The following SEMA3E variants were observed in gnomAD, a reference collection of about 807,000 sequenced individuals.
The protein encoded by SEMA3E is semaphorin 3E.
A neutral mutation model predicts 93.6 loss-of-function variants in SEMA3E; 49 were observed. The observed-to-expected ratio is 0.52, with a 90% CI of 0.42 to 0.66. The LOEUF (loss-of-function observed/expected upper bound fraction) is 0.66, where lower values mean the gene tolerates loss of function less well. SEMA3E is among the 30% of genes least tolerant of loss of function. The pLI is 0.00. For synonymous variants in SEMA3E, 363 were observed against 330.7 expected, an observed-to-expected ratio of 1.10 and a Z score of -1.06; for missense variants, 906 against 964.8, an observed-to-expected ratio of 0.94 and a Z score of 0.81.
At chr7:83,483,125 A>G (rs1790183085) in intron 2 of SEMA3E, among the ~76,000 whole-genome samples, 1 of 152,190 alleles carries the variant, frequency 6.6e-6, no homozygotes. Context: ...TCAGAAAAAA[A>G]AAAAAGTCAT....
At chr7:83,415,684 C>G (rs1449200823) in intron 5 of SEMA3E, among the ~76,000 whole-genome samples, 3 of 151,948 alleles carry the variant, frequency 2.0e-5, no homozygotes, top group East Asian at 1.9e-4. Context: ...AAAATTGTAT[C>G]TAAAATTAGG....
intron 10 of SEMA3E, among the ~76,000 whole-genome samples, chr7:83,401,493 G>A (rs1192072268): frequency 6.6e-6 from 1 of 152,006 alleles, no homozygotes; most frequent in Non-Finnish European, 1.5e-5. Context: ...ATAACCAGTC[G>A]CTTCCTCCAA....
chr7:83,415,584 T>A (rs1385594670), intron 5 of SEMA3E, among the ~76,000 whole-genome samples: 1 of 152,180 alleles, frequency 6.6e-6, no homozygotes, highest in Non-Finnish European at 1.5e-5. Context: ...TTGTCTTTCA[T>A]CTATCAAATA....
chr7:83,606,432 A>G (rs926160591), intron 1 of SEMA3E, among the ~76,000 whole-genome samples: 6 of 151,594 alleles, frequency 4.0e-5, no homozygotes, highest in African/African-American at 1.5e-4. Flanking sequence ...CTATGCAGCC[A>G]TAAAAAATGA....
chr7:83,442,017 G>A (rs1436479543), intron 4 of SEMA3E, among the ~76,000 whole-genome samples: 1 of 152,124 alleles, frequency 6.6e-6, no homozygotes, highest in Non-Finnish European at 1.5e-5. Context: ...GAAGCAACAT[G>A]ATTACTTTCA....
At chr7:83,481,706 T>C (rs903714855) in intron 2 of SEMA3E, among the ~76,000 whole-genome samples, 1 of 152,116 alleles carries the variant, frequency 6.6e-6, no homozygotes, top group African/African-American at 2.4e-5. Flanking sequence ...AAGAGTATGA[T>C]CACATGGTCT....
chr7:83,525,320 T>C (rs1156229263), intron 1 of SEMA3E, among the ~76,000 whole-genome samples: 1 of 152,086 alleles, frequency 6.6e-6, no homozygotes, highest in South Asian at 2.1e-4. Context: ...ATTTCTCCAG[T>C]GTTCTAAAAT....
intron 16 of SEMA3E, among the ~76,000 whole-genome samples, chr7:83,374,755 C>T (rs1794798310): frequency 6.6e-6 from 1 of 152,056 alleles, no homozygotes; most frequent in African/African-American, 2.4e-5. Flanking sequence ...AATTTGCAAA[C>T]ATACTATTGG....
At chr7:83,502,163 T>G (rs1790608967) in intron 1 of SEMA3E, among the ~76,000 whole-genome samples, 1 of 152,180 alleles carries the variant, frequency 6.6e-6, no homozygotes, top group Non-Finnish European at 1.5e-5. Flanking sequence ...CCACACTATC[T>G]ATCCTTAGCA....
chr7:83,630,093 G>A (rs148101502), intron 1 of SEMA3E, among the ~76,000 whole-genome samples: 1,770 of 152,166 alleles, frequency 0.012, 38 homozygotes, highest in African/African-American at 0.039. Context: ...ACCCTGCTTC[G>A]GCTCACCCTC....
At position 83,408,555 on chromosome 7, in the gene SEMA3E, A is replaced by C. The variant is rs1010102693; in HGVS notation, c.551-68T>G. 8 of 1,468,266 alleles carry C rather than the reference A, an allele frequency of 5.4e-6. No individual in the cohort carries two copies. The East Asian group carries it at 7.1e-5, about 13-fold the overall frequency. The allele number at this position is 1,468,266 out of a possible 1,614,324, so 91.0% of individuals were successfully genotyped here. The stretch of plus-strand genomic sequence containing the variant: ...TATGTTAACAAATTAAACACATCCA[A>C]ATTTAATATGTGTATCTATAATATG... On this transcript the variant is annotated intron_variant, in intron 5 of 16. Coordinates refer to ENST00000643230, the MANE Select transcript of SEMA3E (RefSeq NM_012431.3).
intron 13 of SEMA3E, among the ~76,000 whole-genome samples, chr7:83,393,627 A>G (rs905797084): frequency 1.3e-5 from 2 of 152,194 alleles, no homozygotes; most frequent in African/African-American, 2.4e-5. Flanking sequence ...AGTGATGTGT[A>G]TATCTATCTA....
Position 83,562,633 on chromosome 7 carries a change from A to G in SEMA3E, c.116-72359T>C, listed in dbSNP as rs556471618. Among the ~76,000 whole-genome samples, 85 of 152,136 alleles carry G rather than the reference A, an allele frequency of 5.6e-4. 1 individual carries two copies. Among genetic ancestry groups the G allele is most frequent in the African/African-American group, 2.0e-3 (83 of 41,506 alleles). ...AAGCAGGATATCTTTATCCCAGAGAAACTTTCTTAGACAGCCTGTTCCTCT... is the reference window on the plus strand; with the variant it reads ...AAGCAGGATATCTTTATCCCAGAGAGACTTTCTTAGACAGCCTGTTCCTCT... On this transcript the variant is annotated intron_variant, in intron 1 of 16. Coordinates refer to ENST00000643230, the MANE Select transcript of SEMA3E (RefSeq NM_012431.3).
chr7:83,563,570 T>C (rs1273153778), intron 1 of SEMA3E, among the ~76,000 whole-genome samples: 1 of 152,164 alleles, frequency 6.6e-6, no homozygotes, highest in Non-Finnish European at 1.5e-5. Context: ...TCAGAAACTT[T>C]GGAGTGGGGC....
At position 83,516,121 on chromosome 7, in the gene SEMA3E, C is replaced by T. The variant is rs920971907; in HGVS notation, c.116-25847G>A. On this transcript the variant is annotated intron_variant, in intron 1 of 16. Transcript: ENST00000643230. The stretch of plus-strand genomic sequence containing the variant: ...TGATCCTCTCAGATCATTAAATTGA[C>T]ATTTTTGTATAGCATCATAAATCAA... 2.0e-5 allele frequency among the ~76,000 whole-genome samples: 3 copies of T among 152,264 alleles called. No homozygotes were observed. The East Asian group carries it at 5.8e-4, about 29-fold the overall frequency.
At chr7:83,527,953 T>C (rs571321672) in intron 1 of SEMA3E, among the ~76,000 whole-genome samples, 3 of 152,076 alleles carry the variant, frequency 2.0e-5, no homozygotes, top group Non-Finnish European at 4.4e-5. Context: ...ATAAGTTAGT[T>C]ATAATAAGAC....
At position 83,368,049 on chromosome 7, in the gene SEMA3E, A is replaced by G. The variant is rs542379432; in HGVS notation, c.1876-11T>C. The G allele has an allele frequency of 1.9e-6, 3 of 1,612,084 alleles. No individual in the cohort carries two copies. The highest frequency in any genetic ancestry group is 2.2e-5 in the East Asian group (1 of 44,862). On this transcript the variant is annotated splice_polypyrimidine_tract_variant and intron_variant, in intron 16 of 16. Coordinates refer to ENST00000643230, the MANE Select transcript of SEMA3E (RefSeq NM_012431.3). ...GTCATCTGTCTTCACCTGCAAAAAC[A>G]AAAAAGTAAATGGCACTGAAGTACA...
intron 1 of SEMA3E, among the ~76,000 whole-genome samples, chr7:83,496,289 G>T (rs1790490167): frequency 6.6e-6 from 1 of 151,906 alleles, no homozygotes; most frequent in African/African-American, 2.4e-5. Context: ...TAAAAGTCTA[G>T]TCTATTAAGG....
intron 1 of SEMA3E, among the ~76,000 whole-genome samples, chr7:83,497,279 A>G (rs1359452727): frequency 6.6e-6 from 1 of 152,170 alleles, no homozygotes; most frequent in Non-Finnish European, 1.5e-5. Context: ...GAAGGAGAGG[A>G]GAACACACAT....
Sources: allele counts gnomAD v4.1 joint callset (sites outside exome capture counted in the v4.1 genomes callset), GRCh38; gene constraint gnomAD v4.1.1; transcripts MANE v1.5; gene names NCBI Gene and HGNC (gene_info 2026-07-23, HGNC 2026-07-21).